The following PHLPP2 variants were observed in gnomAD, a reference collection of about 807,000 sequenced individuals.
The protein encoded by PHLPP2 is PH domain and leucine rich repeat protein phosphatase 2, also known as PH domain leucine-rich repeat-containing protein phosphatase 2.
A neutral mutation model predicts 124.9 loss-of-function variants in PHLPP2; 66 were observed. The ratio of observed to expected loss-of-function variants is 0.53; its 90% CI spans 0.43 to 0.65. The LOEUF is 0.65. Ranked by LOEUF, PHLPP2 falls within the 30% of genes least tolerant of loss-of-function variation. The pLI is 0.00. For synonymous variants in PHLPP2, 681 were observed against 624.7 expected (o/e 1.09, Z -1.34); for missense variants, 1,685 against 1,600.4 (o/e 1.05, Z -0.90).
intron 4 of PHLPP2, among the ~76,000 whole-genome samples, chr16:71,687,068 G>A (rs577283177): frequency 1.3e-4 from 20 of 152,258 alleles, no homozygotes; most frequent in Admixed American, 2.0e-4. Flanking sequence ...CAGTTGCTCC[G>A]CATCTTTGCC....
chr16:71,676,826 G>A lies in PHLPP2; in HGVS notation c.1269-177C>T, dbSNP rs1344801133. ...TGCAATGGCGTGATCTCGGTTCACT[G>A]CAACCTCTGCCTCCCAGGTTAAAGC... On this transcript the variant is annotated intron_variant, in intron 8 of 18. Transcript: ENST00000568954. 6.8e-5 allele frequency: 39 copies of A among 572,508 alleles called. No individual in the cohort carries two copies. In the South Asian group the frequency reaches 7.8e-4, roughly 11 times the overall value. 35.5% of individuals were successfully genotyped at this position (572,508 alleles called of 1,614,324 possible).
At chr16:71,668,797 C>T (rs1179992184) in intron 11 of PHLPP2, among the ~76,000 whole-genome samples, 1 of 152,090 alleles carries the variant, frequency 6.6e-6, no homozygotes, top group East Asian at 1.9e-4. Flanking sequence ...ATGCCAGCTC[C>T]CGTCACTTCC....
intron 12 of PHLPP2, 78 bp downstream of exon 12, chr16:71,667,100 G>C: frequency 8.2e-7 from 1 of 1,225,318 alleles, no homozygotes; most frequent in Non-Finnish European, 1.2e-6. Context: ...CAGTTCCAAA[G>C]GTCACTCCAA....
intron 12 of PHLPP2, among the ~76,000 whole-genome samples, chr16:71,665,917 A>T (rs1010906874): frequency 6.6e-6 from 1 of 152,258 alleles, no homozygotes; most frequent in African/African-American, 2.4e-5. Context: ...TGTATTATAC[A>T]TTAAGAGATG....
chr16:71,718,242 A>G (rs1310281576), intron 1 of PHLPP2, among the ~76,000 whole-genome samples: 1 of 152,042 alleles, frequency 6.6e-6, no homozygotes, highest in African/African-American at 2.4e-5. Flanking sequence ...GTGCATATAT[A>G]TTTACCTTAG....
chr16:71,670,721 C>CACACACACACACACACAG (rs1555545714), intron 10 of PHLPP2, among the ~76,000 whole-genome samples: 1 of 151,064 alleles, frequency 6.6e-6, no homozygotes, highest in Non-Finnish European at 1.5e-5. Flanking sequence ...CACACACACA[C>CACACACACACACACACAG]GAGAGGAGGG....
At chr16:71,662,909 G>A (rs1047675538) in intron 13 of PHLPP2, among the ~76,000 whole-genome samples, 2 of 151,922 alleles carry the variant, frequency 1.3e-5, no homozygotes, top group Non-Finnish European at 2.9e-5. Flanking sequence ...TACTTTGAAA[G>A]GTATTTACTT....
intron 12 of PHLPP2, among the ~76,000 whole-genome samples, chr16:71,665,903 C>T (rs2044835852): frequency 6.6e-6 from 1 of 152,182 alleles, no homozygotes; most frequent in Non-Finnish European, 1.5e-5. Context: ...ACTATCCAAT[C>T]AACTGTATTA....
chr16:71,664,098 G>C lies in PHLPP2; in HGVS notation c.1786C>G (p.Leu596Val). ...PDTLFSKALN[L>V]RYLNASANSL... ...TTTGCAGATGCATTCAAGTATCTGA[G>C]ACTGACAGAACACACACAGATCATC... The change falls in exon 13 of 19, where the codon CTC becomes GTC. Residue 596 changes from leucine (L) to valine (V), a missense_variant and splice_region_variant. By Grantham distance (32) the Leu-to-Val change is conservative (BLOSUM62 1). Coordinates refer to ENST00000568954, the MANE Select transcript of PHLPP2 (RefSeq NM_015020.3). 1 of 1,604,224 alleles carries C rather than the reference G, an allele frequency of 6.2e-7. No homozygotes were observed. The highest frequency in any genetic ancestry group is 8.5e-7 in the Non-Finnish European group (1 of 1,171,000).
intron 9 of PHLPP2, among the ~76,000 whole-genome samples, 199 bp from the exon 10 acceptor site, chr16:71,672,521 T>C (rs1041705769): frequency 1.3e-5 from 2 of 152,256 alleles, no homozygotes; most frequent in Non-Finnish European, 2.9e-5. Context: ...ATGTAACAGC[T>C]AATTGAAGGA....
chr16:71,656,196 G>T (rs902470908), intron 16 of PHLPP2, among the ~76,000 whole-genome samples: 4 of 152,130 alleles, frequency 2.6e-5, no homozygotes, highest in African/African-American at 9.7e-5. Flanking sequence ...GGTCACTTTG[G>T]GGAGGGTCTA....
intron 3 of PHLPP2, among the ~76,000 whole-genome samples, chr16:71,692,742 T>C (rs943704025): frequency 5.3e-5 from 8 of 152,220 alleles, no homozygotes; most frequent in African/African-American, 1.4e-4. Context: ...CCTGTATAAT[T>C]TGAATAATCT....
intron 1 of PHLPP2, chr16:71,723,602 AGCCGGGTGTGGGGCGGCCGACTGACTGAC>A (rs2045412229): frequency 3.4e-6 from 1 of 290,920 alleles, no homozygotes. Flanking sequence ...CGGCGTCCCC[AGCCGGGTGTGGGGCGGCCGACTGACTGAC>A]GCCGGGCGGG....
intron 3 of PHLPP2, among the ~76,000 whole-genome samples, chr16:71,698,172 A>G (rs1597011365): frequency 6.6e-6 from 1 of 152,262 alleles, no homozygotes; most frequent in East Asian, 1.9e-4. Context: ...ATTGGTGAGC[A>G]TTAAGAGGGG....
Position 71,658,786 on chromosome 16 carries a change from T to G in PHLPP2, c.2015A>C (p.Glu672Ala). The stretch of plus-strand genomic sequence containing the variant: ...AAGCTTGTTGCCACTTAGGTTCAGT[T>G]CCTCCAATTGCTCCAATTTATTTAG... ...SKLNKLEQLE[E>A]LNLSGNKLKT... is the part of the protein sequence containing the mutation. The change falls in exon 14 of 19, where the codon GAA becomes GCA. Residue 672 changes from glutamate (E) to alanine (A), a missense_variant. Glu to Ala is a moderately radical substitution (Grantham distance 107, BLOSUM62 -1). Transcript: ENST00000568954. 6.2e-7 allele frequency: 1 copy of G among 1,614,114 alleles called. No homozygotes were observed. The highest frequency in any genetic ancestry group is 8.5e-7 in the Non-Finnish European group (1 of 1,180,018).
intron 2 of PHLPP2, among the ~76,000 whole-genome samples, chr16:71,704,777 A>G (rs1251151839): frequency 2.0e-5 from 3 of 152,216 alleles, no homozygotes; most frequent in Non-Finnish European, 4.4e-5. Flanking sequence ...CTCATTGTCT[A>G]TGACAATCTT....
intron 5 of PHLPP2, among the ~76,000 whole-genome samples, chr16:71,682,194 C>A (rs1201881905): frequency 6.8e-6 from 1 of 146,520 alleles, no homozygotes; most frequent in Admixed American, 6.8e-5. Context: ...AAGAAGTAAT[C>A]TTTTTTGTTT....
At chr16:71,712,609 C>A (rs988424549) in intron 2 of PHLPP2, among the ~76,000 whole-genome samples, 1 of 152,148 alleles carries the variant, frequency 6.6e-6, no homozygotes, top group Non-Finnish European at 1.5e-5. Flanking sequence ...TTAGAAAAGC[C>A]TAAGGATCAC....
At chr16:71,692,609 A>C (rs1236563443) in intron 3 of PHLPP2, among the ~76,000 whole-genome samples, 1 of 152,190 alleles carries the variant, frequency 6.6e-6, no homozygotes, top group Non-Finnish European at 1.5e-5. Flanking sequence ...TCATCTATAC[A>C]GTCGTTCCTT....
Sources: gnomAD v4.1 joint callset for allele counts (sites outside exome capture counted in the v4.1 genomes callset) on GRCh38, gnomAD v4.1.1 for gene constraint, MANE v1.5 for transcripts, NCBI Gene and HGNC (gene_info 2026-07-23, HGNC 2026-07-21) for gene names.